The following LIPA variants were observed in gnomAD, a reference collection of about 807,000 sequenced individuals.
LIPA encodes lipase A, lysosomal acid type, also known as lysosomal acid lipase/cholesteryl ester hydrolase.
In LIPA, 26 loss-of-function variants were observed where a neutral mutation model predicts 40.6. The observed-to-expected ratio is 0.64, with a 90% CI of 0.47 to 0.89. LIPA has a LOEUF of 0.89. Among genes scored for constraint, LIPA ranks in the 40% least tolerant of loss-of-function variants. The pLI, the probability that LIPA is intolerant of heterozygous loss-of-function variation, is 0.00. For missense variants in LIPA, 455 were observed against 479.6 expected, an observed-to-expected ratio of 0.95 and a Z score of 0.48; for synonymous variants, 188 against 168.4, an observed-to-expected ratio of 1.12 and a Z score of -0.90.
At chr10:89,345,714 T>G (rs2133583407), upstream of LIPA, among the ~76,000 whole-genome samples, 1 of 152,216 alleles carries the variant, frequency 6.6e-6, no homozygotes, top group East Asian at 1.9e-4. Context: ...AAGCATTTAT[T>G]GATTTAGAAG....
upstream of LIPA, among the ~76,000 whole-genome samples, chr10:89,344,529 G>A (rs578232409): frequency 1.3e-5 from 2 of 150,880 alleles, no homozygotes; most frequent in South Asian, 4.2e-4. Context: ...AAGCAGGGAG[G>A]AAAAAAAGTC....
At position 89,214,855 on chromosome 10, in the gene LIPA, A is replaced by C; in HGVS notation, c.1173T>G (p.Ile391Met). The change falls in exon 10 of 10, where the codon ATT becomes ATG. Residue 391 changes from isoleucine (I) to methionine (M), a missense_variant. Physicochemically the swap from Ile to Met is conservative, Grantham distance 10. Transcript: ENST00000336233. Reference protein sequence around the residue: ...LDAPWRLYNKIINLMRKYQ With the variant: ...LDAPWRLYNKMINLMRKYQ Reference sequence around the variant, plus strand: ...ACTGATATTTCCTCATTAGATTAATAATTTTATTATAAAGCCTCCAAGGGG... The same window carrying C: ...ACTGATATTTCCTCATTAGATTAATCATTTTATTATAAAGCCTCCAAGGGG... The C allele has an allele frequency of 6.2e-7, 1 of 1,607,112 alleles. No homozygotes were observed. The highest frequency in any genetic ancestry group is 8.5e-7 in the Non-Finnish European group (1 of 1,173,718).
chr10:89,255,951 G>A (rs1272165780), upstream of LIPA, among the ~76,000 whole-genome samples: 1 of 152,220 alleles, frequency 6.6e-6, no homozygotes, highest in Non-Finnish European at 1.5e-5. Context: ...GGAAAGAGCT[G>A]GGGCATTATT....
intron 8 of LIPA, among the ~76,000 whole-genome samples, chr10:89,218,579 G>A (rs931532564): frequency 4.6e-5 from 7 of 152,118 alleles, no homozygotes; most frequent in Non-Finnish European, 1.0e-4. Context: ...TGGCCATACC[G>A]CTCACTTCTA....
intron 2 of LIPA, among the ~76,000 whole-genome samples, chr10:89,390,340 T>G (rs1844237196): frequency 6.6e-6 from 1 of 152,168 alleles, no homozygotes; most frequent in Non-Finnish European, 1.5e-5. Flanking sequence ...ATATGTTCAA[T>G]TGTTCTGGAA....
intron 1 of LIPA, chr10:89,284,202 G>C (rs1475313828): frequency 6.6e-6 from 1 of 152,200 alleles, no homozygotes; most frequent in Non-Finnish European, 1.5e-5. Flanking sequence ...TTCTGTCCTT[G>C]CAGGCACATT....
rs138354395 is a variant in LIPA, at chr10:89,340,285, G to A, written c.-2+2326C>T. 4,468 of 725,078 alleles carry A rather than the reference G, an allele frequency of 6.2e-3. 23 individuals are homozygous for A. The highest frequency in any genetic ancestry group is 8.4e-3 in the Non-Finnish European group (3,935 of 469,718). The allele number at this position is 725,078 out of a possible 1,614,324, so 44.9% of individuals were successfully genotyped here. ...TTAAAGAGTTGTTTTTTGGCCGGGC[G>A]CAGTGGCTCATGCCTGTAATCCCAG... On this transcript the variant is annotated intron_variant, in intron 1 of 5. Coordinates refer to the LIPA transcript ENST00000282673.
At chr10:89,368,128 T>C (rs1322424906) in intron 2 of LIPA, among the ~76,000 whole-genome samples, 4 of 152,186 alleles carry the variant, frequency 2.6e-5, no homozygotes, top group Non-Finnish European at 5.9e-5. Flanking sequence ...ATGTCATTGA[T>C]TGACTCTCTT....
At chr10:89,361,348 C>T (rs910786069) in intron 2 of LIPA, among the ~76,000 whole-genome samples, 2 of 152,154 alleles carry the variant, frequency 1.3e-5, no homozygotes, top group East Asian at 3.8e-4. Flanking sequence ...CTTTGCCCAC[C>T]GTCTTGTTTT....
At chr10:89,350,324 T>TTTTTTTTTTTTTTAG (rs1384771963) in intron 2 of LIPA, among the ~76,000 whole-genome samples, 1 of 151,370 alleles carries the variant, frequency 6.6e-6, no homozygotes. Flanking sequence ...CCTTTTTTTT[T>TTTTTTTTTTTTTTAG]AAGACGGAGT....
intron 2 of LIPA, among the ~76,000 whole-genome samples, 144 bp downstream of exon 2, chr10:89,247,379 CAAAAAAAAAAAAAAA>C (rs71022556): frequency 4.0e-5 from 3 of 75,448 alleles, no homozygotes; most frequent in Admixed American, 1.7e-4. Context: ...GACTCTGCCT[CAAAAAAAAAAAAAAA>C]AAAAAAAAAA....
At chr10:89,330,463 G>A (rs937386009) in intron 1 of LIPA, among the ~76,000 whole-genome samples, 10 of 152,152 alleles carry the variant, frequency 6.6e-5, no homozygotes, top group Non-Finnish European at 1.3e-4. Context: ...TTAGAGAGGG[G>A]GCCAGGGATG....
intron 1 of LIPA, among the ~76,000 whole-genome samples, chr10:89,330,305 G>A (rs988744780): frequency 1.4e-4 from 22 of 152,208 alleles, no homozygotes; most frequent in African/African-American, 5.3e-4. Flanking sequence ...GGGCTTAGAA[G>A]GGCAAATTAC....
At chr10:89,357,885 T>C (rs576212232) in intron 2 of LIPA, among the ~76,000 whole-genome samples, 1 of 152,324 alleles carries the variant, frequency 6.6e-6, no homozygotes, top group South Asian at 2.1e-4. Flanking sequence ...CTAACCAAAA[T>C]TAAGGTATAT....
At chr10:89,302,253 C>A in intron 1 of LIPA, 1 of 968,848 alleles carries the variant, frequency 1.0e-6, no homozygotes. Flanking sequence ...CTTACTATGC[C>A]TCTACCTCTG....
chr10:89,403,727 G>C (rs764395347), intron 2 of LIPA: 5 of 1,374,702 alleles, frequency 3.6e-6, no homozygotes, highest in African/African-American at 1.5e-5. Flanking sequence ...CCAGATATCA[G>C]CCACTTTCAC....
chr10:89,259,397 C>T (rs1843195972), intron 1 of LIPA, among the ~76,000 whole-genome samples: 1 of 152,158 alleles, frequency 6.6e-6, no homozygotes, highest in Non-Finnish European at 1.5e-5. Context: ...CTATTCTACC[C>T]ACCAGGATGG....
intron 1 of LIPA, among the ~76,000 whole-genome samples, chr10:89,260,107 C>CTATA (rs1341791501): frequency 6.6e-6 from 1 of 152,166 alleles, no homozygotes; most frequent in Non-Finnish European, 1.5e-5. Flanking sequence ...TGAACCCTTG[C>CTATA]TATATGACAG....
intron 2 of LIPA, among the ~76,000 whole-genome samples, chr10:89,389,747 G>A (rs761844903): frequency 6.6e-6 from 1 of 152,116 alleles, no homozygotes; most frequent in Non-Finnish European, 1.5e-5. Flanking sequence ...TCCTGTGAAT[G>A]AAGAAGAGAC....
Sources: gnomAD v4.1 joint callset for allele counts (sites outside exome capture counted in the v4.1 genomes callset) on GRCh38, gnomAD v4.1.1 for gene constraint, MANE v1.5 for transcripts, NCBI Gene and HGNC (gene_info 2026-07-23, HGNC 2026-07-21) for gene names.